LRRC28: variants seen among roughly 807,000 people sequenced by gnomAD.
The protein encoded by LRRC28 is leucine-rich repeat-containing protein 28.
In LRRC28, 39 loss-of-function variants were observed where a neutral mutation model predicts 45.7. The observed-to-expected ratio is 0.85, with a 90% CI of 0.66 to 1.12. The LOEUF is 1.12. Ranked by LOEUF, LRRC28 falls within the 50% of genes most tolerant of loss-of-function variation. LRRC28 has a pLI of 0.00. For synonymous variants in LRRC28, 206 were observed against 178.8 expected (o/e 1.15, Z -1.22); for missense variants, 435 against 438.5 (o/e 0.99, Z 0.07).
At chr15:99,287,109 C>T (rs1267012122) in intron 3 of LRRC28, 148 bp from the exon 4 acceptor site, 1 of 563,256 alleles carries the variant, frequency 1.8e-6, no homozygotes, top group South Asian at 2.6e-5. Context: ...GCTGTGATAA[C>T]CATTATTGTA....
At chr15:99,283,534 T>C (rs1489716538) in intron 3 of LRRC28, among the ~76,000 whole-genome samples, 1 of 149,220 alleles carries the variant, frequency 6.7e-6, no homozygotes, top group East Asian at 2.0e-4. Context: ...GAGAATCACT[T>C]GTACCCAGGA....
At chr15:99,280,948 T>G (rs1266382500) in intron 3 of LRRC28, among the ~76,000 whole-genome samples, 1 of 152,160 alleles carries the variant, frequency 6.6e-6, no homozygotes, top group African/African-American at 2.4e-5. Flanking sequence ...TGTTCTGTGT[T>G]AAAAGTCAGT....
At position 99,258,574 on chromosome 15, in the gene LRRC28, A is replaced by G. The variant is rs2081096690; in HGVS notation, c.168+2449A>G. The G allele has an allele frequency of 1.5e-5, 11 of 742,152 alleles. No individual in the cohort carries two copies. In the South Asian group the frequency reaches 1.6e-4, roughly 11 times the overall value. 46.0% of individuals were successfully genotyped at this position (742,152 alleles called of 1,614,324 possible). On this transcript the variant is annotated intron_variant, in intron 2 of 9. Coordinates refer to ENST00000301981, the MANE Select transcript of LRRC28 (RefSeq NM_144598.5). ...GCAGTAGAGGAAGAAGAAGAAAAAC[A>G]GAAACCAAAGACTAAAAAAGTTGAA... is the stretch of plus-strand genomic sequence containing the variant.
At chr15:99,269,437 G>C (rs1218088116) in intron 2 of LRRC28, among the ~76,000 whole-genome samples, 1 of 151,450 alleles carries the variant, frequency 6.6e-6, no homozygotes, top group East Asian at 1.9e-4. Context: ...TGGAGACAGA[G>C]TTTTCACCCA....
At chr15:99,346,770 A>G (rs1956696161) in intron 6 of LRRC28, among the ~76,000 whole-genome samples, 1 of 152,180 alleles carries the variant, frequency 6.6e-6, no homozygotes, top group Non-Finnish European at 1.5e-5. Flanking sequence ...AAATATTTTC[A>G]TTACAACCAT....
At chr15:99,300,359 A>G (rs1027992699) in intron 5 of LRRC28, among the ~76,000 whole-genome samples, 1 of 152,042 alleles carries the variant, frequency 6.6e-6, no homozygotes, top group African/African-American at 2.4e-5. Flanking sequence ...TTTAAAATAT[A>G]AATGCATATT....
chr15:99,325,058 A>G (rs939549478), intron 5 of LRRC28, among the ~76,000 whole-genome samples: 1 of 152,222 alleles, frequency 6.6e-6, no homozygotes, highest in East Asian at 1.9e-4. Context: ...CTTCAAATCT[A>G]TAAACATGAA....
rs998394597 is a variant in LRRC28 at position 99,251,509 on chromosome 15, G to C, written c.-93G>C. ...CCCCGCTTGGCTTCCAGCGCCGCTT[G>C]CGCTCCGGAGCGCTGGCTCTGCTGG... is the stretch of plus-strand genomic sequence containing the variant. On this transcript the variant is annotated 5_prime_UTR_variant, in exon 1 of 10. Coordinates refer to ENST00000301981, the MANE Select transcript of LRRC28 (RefSeq NM_144598.5). 8.6e-5 allele frequency: 13 copies of C among 152,006 alleles called. No individual in the cohort carries two copies. The highest frequency in any genetic ancestry group is 1.9e-4 in the Non-Finnish European group (13 of 67,926). 9.4% of individuals were successfully genotyped at this position (152,006 alleles called of 1,614,324 possible).
chr15:99,295,826 GTGT>G lies in LRRC28; in HGVS notation c.385+7880_385+7882del, dbSNP rs538705260. On this transcript the variant is annotated intron_variant, in intron 5 of 9. Coordinates refer to ENST00000301981, the MANE Select transcript of LRRC28 (RefSeq NM_144598.5). Reference sequence around the variant, plus strand: ...AATGTGTACCACATATAACCAGCATGTGTTGTTCCTAAAACCCAGGCTTCAAGT... The same window carrying G: ...AATGTGTACCACATATAACCAGCATGTGTTCCTAAAACCCAGGCTTCAAGT... 6.6e-5 allele frequency among the ~76,000 whole-genome samples: 10 copies of G among 152,320 alleles called. No individual in the cohort carries two copies. The South Asian group carries it at 1.9e-3, about 28-fold the overall frequency.
At position 99,386,141 on chromosome 15, in the gene LRRC28, A is replaced by G. The variant is rs1321137463; in HGVS notation, c.*39A>G. 1.3e-6 allele frequency: 2 copies of G among 1,529,082 alleles called. No individual in the cohort carries two copies. Among genetic ancestry groups the G allele is most frequent in the South Asian group, 2.2e-5 (2 of 89,326 alleles). 94.7% of individuals were successfully genotyped at this position (1,529,082 alleles called of 1,614,324 possible). On this transcript the variant is annotated 3_prime_UTR_variant, in exon 10 of 10. Transcript: ENST00000301981. Reference sequence around the variant, plus strand: ...ACCTCAGGAGCGCTGCCAGCTTGACACTGGGGAATCCAGCCAGTCCAGCAC... The same window carrying G: ...ACCTCAGGAGCGCTGCCAGCTTGACGCTGGGGAATCCAGCCAGTCCAGCAC...
Position 99,386,065 on chromosome 15 carries a change from C to G in LRRC28, c.1067C>G (p.Ser356Cys). ...TTVSFVAYCC[S>C]TQCLQTFDLL... ...GTTAGTTTTGTGGCTTACTGCTGCTCCACCCAGTGTCTGCAGACTTTTGAC... is the reference window on the plus strand; with the variant it reads ...GTTAGTTTTGTGGCTTACTGCTGCTGCACCCAGTGTCTGCAGACTTTTGAC... The change falls in exon 10 of 10, where the codon TCC becomes TGC. Residue 356 changes from serine (S) to cysteine (C), a missense_variant. Transcript: ENST00000301981. 1 of 1,614,164 alleles carries G rather than the reference C, an allele frequency of 6.2e-7. No homozygotes were observed. Among genetic ancestry groups the G allele is most frequent in the Non-Finnish European group, 8.5e-7 (1 of 1,180,006 alleles).
At chr15:99,282,887 C>G (rs569242443) in intron 3 of LRRC28, among the ~76,000 whole-genome samples, 96 of 152,086 alleles carry the variant, frequency 6.3e-4, no homozygotes, top group Non-Finnish European at 1.1e-3. Context: ...AGTCCTGTTT[C>G]TTTAATTAAA....
In LRRC28 at chr15:99,333,717, A is replaced by C. The variant is rs546513106; in HGVS notation, c.386-206A>C. 31 of 605,034 alleles carry C rather than the reference A, an allele frequency of 5.1e-5. No homozygotes were observed. In the South Asian group the frequency reaches 6.2e-4, roughly 12 times the overall value. The allele number at this position is 605,034 out of a possible 1,614,324, so 37.5% of individuals were successfully genotyped here. On this transcript the variant is annotated intron_variant, in intron 5 of 9. Transcript: ENST00000301981. ...TGCTACCCAGCCCTTTTCTCCATTT[A>C]AGAAATGTTGGCAGGGTAATTTAAA...
intron 3 of LRRC28, among the ~76,000 whole-genome samples, chr15:99,278,315 CT>C (rs1053988369): frequency 2.2e-4 from 34 of 152,240 alleles, no homozygotes; most frequent in African/African-American, 8.0e-4. Context: ...GTGGCACAAT[CT>C]TGGCTCACTG....
chr15:99,305,647 C>CT (rs1248582093), intron 5 of LRRC28, among the ~76,000 whole-genome samples: 1 of 152,080 alleles, frequency 6.6e-6, no homozygotes, highest in Non-Finnish European at 1.5e-5. Flanking sequence ...TAGCTACTAT[C>CT]TTTTTTTAAA....
At position 99,331,091 on chromosome 15, in the gene LRRC28, C is replaced by T. The variant is rs112641057; in HGVS notation, c.386-2832C>T. Among the ~76,000 whole-genome samples, 1,073 of 152,160 alleles carry T rather than the reference C, an allele frequency of 7.1e-3. 10 individuals carry two copies. The highest frequency in any genetic ancestry group is 0.017 in the Middle Eastern group (5 of 294). ...TTAAATTCATAATCACACATTGTTG[C>T]CCCATTTTACAATAACGCAAAAAAA... On this transcript the variant is annotated intron_variant, in intron 5 of 9. Coordinates refer to ENST00000301981, the MANE Select transcript of LRRC28 (RefSeq NM_144598.5).
chr15:99,329,821 C>A (rs954027859), intron 5 of LRRC28, among the ~76,000 whole-genome samples: 1 of 152,206 alleles, frequency 6.6e-6, no homozygotes, highest in African/African-American at 2.4e-5. Flanking sequence ...AGTTATAAAG[C>A]TGGCTGCACG....
chr15:99,282,705 A>G (rs1306297391), intron 3 of LRRC28, among the ~76,000 whole-genome samples: 1 of 152,136 alleles, frequency 6.6e-6, no homozygotes, highest in African/African-American at 2.4e-5. Flanking sequence ...TTGTGTAAGA[A>G]CACCCTATGA....
chr15:99,264,064 G>A (rs1287426043), intron 2 of LRRC28, among the ~76,000 whole-genome samples: 1 of 152,216 alleles, frequency 6.6e-6, no homozygotes, highest in Non-Finnish European at 1.5e-5. Context: ...AGCAAGGCCA[G>A]TTTTCTTCTG....
Sources: gnomAD v4.1 joint callset for allele counts (sites outside exome capture counted in the v4.1 genomes callset) on GRCh38, gnomAD v4.1.1 for gene constraint, MANE v1.5 for transcripts, NCBI Gene and HGNC (gene_info 2026-07-23, HGNC 2026-07-21) for gene names.